The following TECTA variants were observed in gnomAD, a reference collection of about 807,000 sequenced individuals.
The protein encoded by TECTA is tectorin alpha.
In TECTA, 128 loss-of-function variants were observed where a neutral mutation model predicts 216.8. The observed-to-expected ratio is 0.59, with a 90% CI of 0.51 to 0.68. The LOEUF is 0.68. Ranked by LOEUF, TECTA falls within the 30% of genes least tolerant of loss-of-function variation. The probability of loss-of-function intolerance (pLI) is 0.00; values close to 1 mark genes in which losing one functional copy is unlikely to be tolerated. For missense variants in TECTA, 2,551 were observed against 2,786.2 expected, an observed-to-expected ratio of 0.92 and a Z score of 1.90; for synonymous variants, 1,089 against 1,117.1, an observed-to-expected ratio of 0.97 and a Z score of 0.50.
intron 8 of TECTA, 110 bp downstream of exon 8, chr11:121,125,982 G>A: frequency 7.6e-7 from 1 of 1,315,396 alleles, no homozygotes; most frequent in Non-Finnish European, 1.1e-6. Context: ...CAAGAATGAG[G>A]GGGAGGTTGA....
At chr11:121,136,195 A>G (rs1249448919) in intron 10 of TECTA, among the ~76,000 whole-genome samples, 1 of 152,076 alleles carries the variant, frequency 6.6e-6, no homozygotes. Flanking sequence ...TCCTGACCTC[A>G]GGTGATCCAC....
chr11:121,189,283 C>A (rs1427266890), intron 22 of TECTA, 116 bp downstream of exon 22: 1 of 993,000 alleles, frequency 1.0e-6, no homozygotes, highest in Non-Finnish European at 1.6e-6. Flanking sequence ...GTTGGGGACA[C>A]CGGTTTGAGA....
At chr11:121,135,569 A>C (rs922508361) in intron 10 of TECTA, among the ~76,000 whole-genome samples, 5 of 152,226 alleles carry the variant, frequency 3.3e-5, no homozygotes, top group African/African-American at 1.2e-4. Context: ...AGTCAATGGG[A>C]GTGGAGATAG....
Position 121,127,705 on chromosome 11 carries a change from C to T in TECTA, c.1775-47C>T, listed in dbSNP as rs201615930. On this transcript the variant is annotated intron_variant, in intron 8 of 23. Coordinates refer to ENST00000392793, the MANE Select transcript of TECTA (RefSeq NM_005422.4). The surrounding 1 kb of genome is among the most constrained non-coding windows in gnomAD (Gnocchi z 5.0). ...TTAAGATTCTGGCGGGTTAGCACTCCGGGTCCATTCACCTTGTTATCGGCT... is the reference window on the plus strand; with the variant it reads ...TTAAGATTCTGGCGGGTTAGCACTCTGGGTCCATTCACCTTGTTATCGGCT... 2,454 of 1,605,342 alleles carry T rather than the reference C, an allele frequency of 1.5e-3. 5 individuals carry two copies. Among genetic ancestry groups the T allele is most frequent in the Non-Finnish European group, 1.8e-3 (2,112 of 1,172,212 alleles).
At chr11:121,187,436 C>T (rs760896690) in intron 20 of TECTA, among the ~76,000 whole-genome samples, 6 of 152,148 alleles carry the variant, frequency 3.9e-5, no homozygotes, top group African/African-American at 4.8e-5. Flanking sequence ...GGGGCCCTTG[C>T]CAACATTGAT....
intron 20 of TECTA, among the ~76,000 whole-genome samples, chr11:121,180,813 CTT>C (rs34807486): frequency 0.051 from 6,095 of 119,864 alleles, 361 homozygotes; most frequent in African/African-American, 0.17. Context: ...TTTCTTATTC[CTT>C]TTTTTTTTTT....
chr11:121,122,803 C>T (rs550109907), intron 7 of TECTA, among the ~76,000 whole-genome samples: 197 of 150,978 alleles, frequency 1.3e-3, no homozygotes, highest in Non-Finnish European at 2.4e-3. Context: ...CAGTGAGCCA[C>T]GTTTGTGCCA....
In TECTA at chr11:121,138,023, G is replaced by A; in HGVS notation, c.3543+1G>A. ...CCGAGCTTACAAGCACACTGTGCTG[G>A]TGAGTAGTCATGAGGTCCCCTCAAA... On this transcript the variant is annotated splice_donor_variant, in intron 11 of 23. Transcript: ENST00000392793. LOFTEE classifies it high-confidence loss of function. 1 of 1,613,922 alleles carries A rather than the reference G, an allele frequency of 6.2e-7. No homozygotes were observed. The highest frequency in any genetic ancestry group is 8.5e-7 in the Non-Finnish European group (1 of 1,179,824).
At chr11:121,132,488 G>A (rs1946684715) in intron 10 of TECTA, among the ~76,000 whole-genome samples, 2 of 152,160 alleles carry the variant, frequency 1.3e-5, no homozygotes, top group African/African-American at 4.8e-5. Flanking sequence ...GTGTTGAGGA[G>A]ATAGGATCTG....
intron 12 of TECTA, 49 bp from the exon 13 acceptor site, chr11:121,152,832 C>T (rs1946903227): frequency 6.4e-7 from 1 of 1,558,912 alleles, no homozygotes; most frequent in Non-Finnish European, 8.7e-7. Flanking sequence ...GAAAACCCTC[C>T]TCGGTGCCTT....
intron 18 of TECTA, among the ~76,000 whole-genome samples, 171 bp from the exon 19 acceptor site, chr11:121,167,883 C>CT (rs148892093): frequency 6.6e-6 from 1 of 151,958 alleles, no homozygotes; most frequent in East Asian, 1.9e-4. Flanking sequence ...TATTGTAATA[C>CT]TTTTTTTTCC....
At chr11:121,123,002 G>A (rs1846985424) in intron 7 of TECTA, among the ~76,000 whole-genome samples, 1 of 152,222 alleles carries the variant, frequency 6.6e-6, no homozygotes, top group African/African-American at 2.4e-5. Flanking sequence ...GAGACAGAGA[G>A]CTGCATGTGG....
intron 10 of TECTA, among the ~76,000 whole-genome samples, chr11:121,135,577 T>C (rs1946717551): frequency 6.6e-6 from 1 of 152,234 alleles, no homozygotes; most frequent in African/African-American, 2.4e-5. Context: ...GGAGTGGAGA[T>C]AGTCCTTTAG....
chr11:121,133,759 C>T (rs912653054), intron 10 of TECTA, among the ~76,000 whole-genome samples: 4 of 152,190 alleles, frequency 2.6e-5, no homozygotes, highest in African/African-American at 4.8e-5. Context: ...CACGGAAGCA[C>T]GATCTTGTCC....
In TECTA at chr11:121,113,742, G is replaced by T. The variant is rs376517873; in HGVS notation, c.790+24G>T. 1 of 1,612,258 alleles carries T rather than the reference G, an allele frequency of 6.2e-7. No individual in the cohort carries two copies. The highest frequency in any genetic ancestry group is 8.5e-7 in the Non-Finnish European group (1 of 1,179,814). ...GGGTAAAGCTTTTCCTCTGTCTGTGGCAAGGCAGGGTTTGTTTAGTGTAGA... is the reference window on the plus strand; with the variant it reads ...GGGTAAAGCTTTTCCTCTGTCTGTGTCAAGGCAGGGTTTGTTTAGTGTAGA... On this transcript the variant is annotated intron_variant, in intron 6 of 23. Transcript: ENST00000392793. The surrounding 1 kb of genome is among the most constrained non-coding windows in gnomAD (Gnocchi z 4.2).
intron 10 of TECTA, among the ~76,000 whole-genome samples, chr11:121,135,197 G>A (rs986496475): frequency 1.5e-4 from 23 of 152,176 alleles, no homozygotes; most frequent in African/African-American, 5.5e-4. Context: ...TGTGAATCAG[G>A]AACACAATCT....
intron 16 of TECTA, 90 bp downstream of exon 16, chr11:121,162,460 C>T: frequency 6.9e-7 from 1 of 1,450,092 alleles, no homozygotes; most frequent in Non-Finnish European, 9.4e-7. Flanking sequence ...GATGACTGGT[C>T]CTCTCCAGAT....
intron 20 of TECTA, among the ~76,000 whole-genome samples, chr11:121,180,057 A>G (rs4936591): frequency 0.26 from 39,278 of 150,138 alleles, 6,280 homozygotes; most frequent in African/African-American, 0.45. Flanking sequence ...GTTATTATTG[A>G]TAAGTGAGAA....
intron 20 of TECTA, among the ~76,000 whole-genome samples, chr11:121,185,304 GT>G (rs1262947939): frequency 1.3e-5 from 2 of 152,128 alleles, no homozygotes; most frequent in Admixed American, 1.3e-4. Flanking sequence ...AGTAGGGAAA[GT>G]AGATGTTCAA....
Sources: allele counts gnomAD v4.1 joint callset (sites outside exome capture counted in the v4.1 genomes callset), GRCh38; gene constraint gnomAD v4.1.1; non-coding constraint Gnocchi (gnomAD v3.1); transcripts MANE v1.5; gene names NCBI Gene and HGNC (gene_info 2026-07-23, HGNC 2026-07-21).